KCNQ2: variants seen among roughly 807,000 people sequenced by gnomAD.
The protein encoded by KCNQ2 is potassium voltage-gated channel subfamily Q member 2, also known as potassium voltage-gated channel subfamily KQT member 2.
In KCNQ2, 14 loss-of-function variants were observed where a neutral mutation model predicts 84.8. That is an observed-to-expected ratio of 0.17 (90% CI 0.11 to 0.26). The LOEUF is 0.26. Ranked by LOEUF, KCNQ2 falls within the 10% of genes least tolerant of loss-of-function variation. The pLI is 1.00. For missense variants in KCNQ2, 788 were observed against 1,254.0 expected (o/e 0.63, Z 5.61); for synonymous variants, 599 against 554.1 (o/e 1.08, Z -1.14).
At chr20:63,470,359 G>A (rs1317388695) in intron 1 of KCNQ2, among the ~76,000 whole-genome samples, 1 of 152,226 alleles carries the variant, frequency 6.6e-6, no homozygotes, top group Non-Finnish European at 1.5e-5. Flanking sequence ...GCATGCTGCT[G>A]CTCTATCTTA....
Position 63,460,203 on chromosome 20 carries a change from AC to A in KCNQ2, c.296+11964del, listed in dbSNP as rs2081914198. Among the ~76,000 whole-genome samples the A allele has an allele frequency of 6.6e-6, 1 of 151,852 alleles. No homozygotes were observed. Among genetic ancestry groups the A allele is most frequent in the Non-Finnish European group, 1.5e-5 (1 of 67,946 alleles). On this transcript the variant is annotated intron_variant, in intron 1 of 16. Coordinates refer to ENST00000359125, the MANE Select transcript of KCNQ2 (RefSeq NM_172107.4). This position sits in a 1 kb window ranked among gnomAD's most constrained non-coding sequence, Gnocchi z 5.4. ...CTGCTTGGCCTGGCCTGGGCTCCTG[AC>A]CCTGCAGGTCCCTCCCTGGCCTTAC...
intron 8 of KCNQ2, among the ~76,000 whole-genome samples, chr20:63,431,791 A>G (rs1479510982): frequency 2.0e-5 from 3 of 152,186 alleles, no homozygotes; most frequent in African/African-American, 7.2e-5. Context: ...AGGATCCTCA[A>G]GAAGAATCCT....
Position 63,420,857 on chromosome 20 carries a change from G to A in KCNQ2, c.1248-1185C>T, listed in dbSNP as rs541815612. On this transcript the variant is annotated intron_variant, in intron 11 of 16. Coordinates refer to ENST00000359125, the MANE Select transcript of KCNQ2 (RefSeq NM_172107.4). The stretch of plus-strand genomic sequence containing the variant: ...GTCCCCAGGCACGAAGGGATGTAGT[G>A]CAAAGGCTGGACTCTGTTTGCTGGT... Among the ~76,000 whole-genome samples, 123 of 152,216 alleles carry A rather than the reference G, an allele frequency of 8.1e-4. 2 individuals carry two copies. In the South Asian group the frequency reaches 0.023, roughly 28 times the overall value.
Position 63,407,215 on chromosome 20 carries a change from T to C in KCNQ2, c.2048A>G (p.His683Arg), listed in dbSNP as rs1168778451. 1.9e-6 allele frequency: 3 copies of C among 1,604,986 alleles called. No homozygotes were observed. Among genetic ancestry groups the C allele is most frequent in the South Asian group, 1.1e-5 (1 of 91,030 alleles). ...GCGCACGATCTTGACAATGCAGCCG[T>C]GCCTGTCGACATGCTCCCGGCTGTC... ...PEDSREHVDRHGCIVKIVRSS... is the reference protein window; with the variant it reads ...PEDSREHVDRRGCIVKIVRSS... Residue 683 changes from histidine to arginine, a missense_variant, in exon 17 of 17, where the codon CAC becomes CGC. His to Arg is a conservative substitution (Grantham distance 29). This residue lies in a region of KCNQ2 where 378 missense variants were observed against 434.5 expected (regional missense o/e 0.87). Coordinates refer to ENST00000359125, the MANE Select transcript of KCNQ2 (RefSeq NM_172107.4). The surrounding 1 kb of genome is among the most constrained non-coding windows in gnomAD (Gnocchi z 7.2).
In KCNQ2 at chr20:63,414,079, G is replaced by A. The variant is rs771271475; in HGVS notation, c.1631+9C>T. Reference sequence around the variant, plus strand: ...CTCCCCCAGGCTCCCGGCTGGGCAGGGGCCTCACCACACGGCTCTGATGCT... The same window carrying A: ...CTCCCCCAGGCTCCCGGCTGGGCAGAGGCCTCACCACACGGCTCTGATGCT... On this transcript the variant is annotated intron_variant, in intron 14 of 16. Transcript: ENST00000359125. The surrounding 1 kb of genome is among the most constrained non-coding windows in gnomAD (Gnocchi z 6.6). 5 of 1,608,632 alleles carry A rather than the reference G, an allele frequency of 3.1e-6. No homozygotes were observed. The highest frequency in any genetic ancestry group is 2.6e-6 in the Non-Finnish European group (3 of 1,175,840).
At chr20:63,453,488 CCT>C (rs1245558623) in intron 1 of KCNQ2, among the ~76,000 whole-genome samples, 4 of 152,212 alleles carry the variant, frequency 2.6e-5, no homozygotes, top group Non-Finnish European at 5.9e-5. Context: ...TGCGGGCGAT[CCT>C]CTGTCTGCCT....
intron 1 of KCNQ2, among the ~76,000 whole-genome samples, chr20:63,451,490 G>A (rs1188578386): frequency 2.6e-5 from 4 of 152,134 alleles, no homozygotes; most frequent in Admixed American, 1.3e-4. Flanking sequence ...GGGACTCCAC[G>A]TAGCTCGTGG....
intron 11 of KCNQ2, among the ~76,000 whole-genome samples, chr20:63,419,905 ATACCTT>A (rs1438763049): frequency 6.6e-6 from 1 of 152,194 alleles, no homozygotes; most frequent in Non-Finnish European, 1.5e-5. Context: ...TCCTCCAAAA[ATACCTT>A]TTCCTTCCAA....
chr20:63,406,094 A>T lies in KCNQ2; in HGVS notation c.*550T>A, dbSNP rs1174645405. ...GTATTTGGGCGCCCCTGAGGTGGGG[A>T]ACAGGAAAGCCCGCCGGGCAGGTCA... On this transcript the variant is annotated 3_prime_UTR_variant, in exon 17 of 17. Coordinates refer to ENST00000359125, the MANE Select transcript of KCNQ2 (RefSeq NM_172107.4). The T allele has an allele frequency of 6.5e-6, 1 of 154,438 alleles. No individual in the cohort carries two copies. The highest frequency in any genetic ancestry group is 1.4e-5 in the Non-Finnish European group (1 of 69,538). The allele number at this position is 154,438 out of a possible 1,614,324, so 9.6% of individuals were successfully genotyped here. A position where few individuals can be genotyped will look rare whatever the true frequency, so the allele number is the denominator to read the frequency against.
intron 1 of KCNQ2, among the ~76,000 whole-genome samples, chr20:63,447,825 G>A (rs2081479615): frequency 6.6e-6 from 1 of 152,150 alleles, no homozygotes; most frequent in African/African-American, 2.4e-5. Flanking sequence ...TCGAACACCT[G>A]GGCTCAAGTG....
In KCNQ2 at chr20:63,414,153, G is replaced by A; in HGVS notation, c.1566C>T (p.Ser522=). The stretch of plus-strand genomic sequence containing the variant: ...CCTCGGTCACAAACTCGCAGGGGCA[G>A]CTCTTGTCATCCACAATGTCCTCTC... ...LPGEDIVDDK[S]CPCEFVTEDL... The change falls in exon 14 of 17, where the codon AGC becomes AGT. Residue 522 remains serine, a synonymous_variant. Coordinates refer to ENST00000359125, the MANE Select transcript of KCNQ2 (RefSeq NM_172107.4). The surrounding 1 kb of genome is among the most constrained non-coding windows in gnomAD (Gnocchi z 6.6). 6.2e-7 allele frequency: 1 copy of A among 1,613,748 alleles called. No homozygotes were observed.
chr20:63,419,598 G>A (rs762999910), intron 12 of KCNQ2, 21 bp downstream of exon 12: 29 of 1,603,280 alleles, frequency 1.8e-5, no homozygotes, highest in South Asian at 4.5e-5. Flanking sequence ...CCGTCAGTCC[G>A]TGCGGCGTGT....
chr20:63,463,285 C>A (rs1600855958), intron 1 of KCNQ2, among the ~76,000 whole-genome samples: 1 of 152,106 alleles, frequency 6.6e-6, no homozygotes, highest in Admixed American at 6.5e-5. Flanking sequence ...TAATAGAATA[C>A]GGACATCAGG....
At chr20:63,459,717 C>G (rs1293408592) in intron 1 of KCNQ2, among the ~76,000 whole-genome samples, 3 of 152,166 alleles carry the variant, frequency 2.0e-5, no homozygotes, top group Non-Finnish European at 4.4e-5. Flanking sequence ...CTTTAAAATG[C>G]TATCTGCATG....
chr20:63,442,615 C>T, intron 4 of KCNQ2, 84 bp from the exon 5 acceptor site: 1 of 1,455,822 alleles, frequency 6.9e-7, no homozygotes, highest in Non-Finnish European at 9.5e-7. Context: ...ACCATCACAT[C>T]AACACCATGA....
intron 1 of KCNQ2, among the ~76,000 whole-genome samples, chr20:63,463,050 C>T (rs1006522933): frequency 1.5e-4 from 20 of 130,074 alleles, no homozygotes; most frequent in African/African-American, 5.0e-4. Context: ...CCGTGGGTGT[C>T]TTTTCTGTGT....
chr20:63,419,345 C>T (rs191457133), intron 12 of KCNQ2, among the ~76,000 whole-genome samples: 33 of 152,358 alleles, frequency 2.2e-4, no homozygotes, highest in Middle Eastern at 3.4e-3. Context: ...GGCACGGACG[C>T]CTTGCTGGGT....
rs557797332 is a variant in KCNQ2, at chr20:63,404,635, G to C, written c.*2009C>G. 1 of 152,272 alleles carries C rather than the reference G, an allele frequency of 6.6e-6. No homozygotes were observed. The highest frequency in any genetic ancestry group is 1.5e-5 in the Non-Finnish European group (1 of 68,074). The allele number at this position is 152,272 out of a possible 1,614,324, so 9.4% of individuals were successfully genotyped here. A position where few individuals can be genotyped will look rare whatever the true frequency, so the allele number is the denominator to read the frequency against. The stretch of plus-strand genomic sequence containing the variant: ...CGCTATGGATTCCCTGCCCCATGAC[G>C]GGACGGCAAAGGGACATGGACCCCA... On this transcript the variant is annotated 3_prime_UTR_variant, in exon 17 of 17. Transcript: ENST00000359125.
At position 63,415,196 on chromosome 20, in the gene KCNQ2, C is replaced by T. The variant is rs75305929; in HGVS notation, c.1302-70G>A. ...AAGTCACTCTGCAAAGAACACAGGC[C>T]GTGTCTGCTCATGGCCGACGCCGCC... On this transcript the variant is annotated intron_variant, in intron 12 of 16. Transcript: ENST00000359125. 0.078 allele frequency: 108,566 copies of T among 1,390,434 alleles called. 4,786 individuals are homozygous for T. The highest frequency in any genetic ancestry group is 0.15 in the African/African-American group (10,414 of 70,814). 86.1% of individuals were successfully genotyped at this position (1,390,434 alleles called of 1,614,324 possible).
Sources: gnomAD v4.1 joint callset for allele counts (sites outside exome capture counted in the v4.1 genomes callset) on GRCh38, gnomAD v4.1.1 for gene constraint, gnomAD v4.1.1 regional missense constraint, Gnocchi (gnomAD v3.1) non-coding constraint, MANE v1.5 for transcripts, NCBI Gene and HGNC (gene_info 2026-07-23, HGNC 2026-07-21) for gene names.